RANBP3: variants seen among roughly 807,000 people sequenced by gnomAD.
The protein encoded by RANBP3 is RAN binding protein 3.
In RANBP3, 14 loss-of-function variants were observed where a neutral mutation model predicts 77.3. The ratio of observed to expected loss-of-function variants is 0.18; its 90% CI spans 0.12 to 0.28. RANBP3 has a LOEUF of 0.28. Among genes scored for constraint, RANBP3 ranks in the 10% least tolerant of loss-of-function variants. The probability of loss-of-function intolerance (pLI) is 1.00; values close to 1 mark genes in which losing one functional copy is unlikely to be tolerated. For missense variants in RANBP3, 586 were observed against 752.3 expected, an observed-to-expected ratio of 0.78 and a Z score of 2.59; for synonymous variants, 315 against 312.4, an observed-to-expected ratio of 1.01 and a Z score of -0.09.
intron 1 of RANBP3, among the ~76,000 whole-genome samples, chr19:5,973,162 C>T (rs888285943): frequency 7.9e-5 from 12 of 152,294 alleles, no homozygotes; most frequent in Non-Finnish European, 1.3e-4. Flanking sequence ...AATAAATTCA[C>T]GAGAAACTTT....
intron 9 of RANBP3, 148 bp downstream of exon 9, chr19:5,927,820 C>T (rs1314292655): frequency 8.8e-6 from 9 of 1,023,520 alleles, no homozygotes; most frequent in Non-Finnish European, 1.2e-5. Flanking sequence ...CAGCAGCAGA[C>T]TGTGCCGTGA....
intron 2 of RANBP3, among the ~76,000 whole-genome samples, chr19:5,956,997 G>C (rs1308133307): frequency 6.6e-6 from 1 of 151,420 alleles, no homozygotes; most frequent in Non-Finnish European, 1.5e-5. Context: ...GCATCAGTGG[G>C]ACTGCTGCAG....
At chr19:5,931,926 T>TG (rs1401289358) in intron 7 of RANBP3, among the ~76,000 whole-genome samples, 6 of 151,970 alleles carry the variant, frequency 3.9e-5, no homozygotes, top group Admixed American at 3.9e-4. Flanking sequence ...TCCCAGCTAC[T>TG]TGGGAGGCTG....
At position 5,924,903 on chromosome 19, in the gene RANBP3, A is replaced by G; in HGVS notation, c.920T>C (p.Leu307Ser). ...NYFLQYISSSLENSTNSADAS... is the reference protein window; with the variant it reads ...NYFLQYISSSSENSTNSADAS... ...GTCGGCACTATTGGTTGAGTTCTCTAAACTGAAGAGAAGATGTGCAATGAG... is the reference window on the plus strand; with the variant it reads ...GTCGGCACTATTGGTTGAGTTCTCTGAACTGAAGAGAAGATGTGCAATGAG... The change falls in exon 11 of 17, where the codon TTA becomes TCA. Residue 307 changes from leucine (L) to serine (S), a missense_variant and splice_region_variant. This residue lies in a region of RANBP3 where 232 missense variants were observed against 271.7 expected (regional missense o/e 0.85). Coordinates refer to ENST00000340578, the MANE Select transcript of RANBP3 (RefSeq NM_007322.3). This position sits in a 1 kb window ranked among gnomAD's most constrained non-coding sequence, Gnocchi z 4.7. 6.2e-7 allele frequency: 1 copy of G among 1,613,328 alleles called. No homozygotes were observed. The highest frequency in any genetic ancestry group is 8.5e-7 in the Non-Finnish European group (1 of 1,179,202).
At chr19:5,960,701 C>T (rs539012467) in intron 1 of RANBP3, among the ~76,000 whole-genome samples, 9 of 152,278 alleles carry the variant, frequency 5.9e-5, no homozygotes, top group East Asian at 1.9e-4. Flanking sequence ...GAGAGGAGTG[C>T]GCGCTGGTGT....
At chr19:5,931,558 T>G (rs1057307453) in intron 7 of RANBP3, 27 bp from the exon 8 acceptor site, 1 of 1,589,432 alleles carries the variant, frequency 6.3e-7, no homozygotes, top group Non-Finnish European at 8.6e-7. Flanking sequence ...GAGTGGGGAA[T>G]CACAGGTGCT....
chr19:5,923,295 C>A lies in RANBP3; in HGVS notation c.1108G>T (p.Ala370Ser), dbSNP rs1362978926. The change falls in exon 13 of 17, where the codon GCT (alanine) becomes TCT (serine). Residue 370 changes from alanine to serine, a missense_variant. Ala to Ser is a moderately conservative substitution (Grantham distance 99). Around this residue, in one of 5 missense-constraint regions of RANBP3, gnomAD observed 51 missense variants for 123.2 expected, o/e 0.41. Coordinates refer to ENST00000340578, the MANE Select transcript of RANBP3 (RefSeq NM_007322.3). The part of the protein sequence containing the change: ...QEATPEKESL[A>S]ESAAAYTKAT... ...TTGGTGTAGGCGGCTGCCGACTCAG[C>A]CAGGGACTCTGAAAAGTTATTGGCC... 4 of 1,614,014 alleles carry A rather than the reference C, an allele frequency of 2.5e-6. No homozygotes were observed. The African/African-American group carries it at 5.3e-5, about 22-fold the overall frequency.
chr19:5,942,691 A>G (rs2058153517), intron 3 of RANBP3, among the ~76,000 whole-genome samples: 1 of 126,606 alleles, frequency 7.9e-6, no homozygotes, highest in Non-Finnish European at 1.6e-5. Context: ...ACACAGCGAG[A>G]CTCTGTCTCA....
intron 1 of RANBP3, among the ~76,000 whole-genome samples, chr19:5,967,617 C>T (rs2058482943): frequency 6.6e-6 from 1 of 152,202 alleles, no homozygotes; most frequent in Admixed American, 6.5e-5. Context: ...CAGCCAAACC[C>T]TTCTAAGCTT....
At chr19:5,918,323 T>C in intron 15 of RANBP3, 173 bp downstream of exon 15, 3 of 752,572 alleles carry the variant, frequency 4.0e-6, no homozygotes, top group Non-Finnish European at 4.2e-6. Context: ...GACCATGATC[T>C]CTATTCCTGA....
rs761707865 is a variant in RANBP3 at position 5,931,362 on chromosome 19, G to A, written c.693+42C>T. The A allele has an allele frequency of 1.3e-6, 2 of 1,568,538 alleles. 1 individual carries two copies. Among genetic ancestry groups the A allele is most frequent in the South Asian group, 2.3e-5 (2 of 87,686 alleles). On this transcript the variant is annotated intron_variant, in intron 8 of 16. Coordinates refer to ENST00000340578, the MANE Select transcript of RANBP3 (RefSeq NM_007322.3). ...GGAAGGCTGCCCTCCCGCTCCCAAG[G>A]GGCCTAGCATGCAGCGCTTCCCTGC...
intron 3 of RANBP3, among the ~76,000 whole-genome samples, chr19:5,948,390 T>TGCTCACTGGAG (rs944451665): frequency 5.3e-5 from 8 of 151,740 alleles, no homozygotes; most frequent in African/African-American, 1.9e-4. Context: ...GAGGCGGAGC[T>TGCTCACTGGAG]TGCAGTGAGC....
intron 3 of RANBP3, 149 bp downstream of exon 3, chr19:5,951,244 G>A (rs1196533285): frequency 1.0e-5 from 8 of 798,448 alleles, no homozygotes; most frequent in East Asian, 2.7e-5. Flanking sequence ...GAATTAAAGC[G>A]AGCTGGAAGA....
intron 1 of RANBP3, among the ~76,000 whole-genome samples, chr19:5,969,555 G>A (rs577826071): frequency 4.6e-5 from 7 of 152,346 alleles, no homozygotes; most frequent in East Asian, 1.9e-4. Flanking sequence ...CATAAACAGC[G>A]ACAGCGAAAT....
At chr19:5,965,393 A>T (rs1029867684) in intron 1 of RANBP3, among the ~76,000 whole-genome samples, 3 of 152,202 alleles carry the variant, frequency 2.0e-5, no homozygotes, top group Non-Finnish European at 4.4e-5. Context: ...GCTTCCTGGT[A>T]GCACCTCTAC....
intron 3 of RANBP3, among the ~76,000 whole-genome samples, chr19:5,944,229 A>G (rs1293036382): frequency 6.6e-6 from 1 of 152,182 alleles, no homozygotes; most frequent in African/African-American, 2.4e-5. Flanking sequence ...CAAGGCAGGC[A>G]TGAATAGGGA....
At chr19:5,925,023 C>A (rs2057883558) in intron 10 of RANBP3, 118 bp from the exon 11 acceptor site, 1 of 904,438 alleles carries the variant, frequency 1.1e-6, no homozygotes, top group Non-Finnish European at 1.8e-6. Flanking sequence ...GCCTCCGCCA[C>A]TGTGCACGGG....
At chr19:5,966,345 C>T (rs1337965415) in intron 1 of RANBP3, among the ~76,000 whole-genome samples, 1 of 152,164 alleles carries the variant, frequency 6.6e-6, no homozygotes, top group Non-Finnish European at 1.5e-5. Flanking sequence ...ATGGCTGATC[C>T]CCGACAAGAC....
intron 3 of RANBP3, among the ~76,000 whole-genome samples, chr19:5,945,128 G>A (rs1037864146): frequency 6.6e-6 from 1 of 152,186 alleles, no homozygotes; most frequent in Non-Finnish European, 1.5e-5. Flanking sequence ...ACTTAGGAAG[G>A]AACTGGACCT....
Sources: allele counts gnomAD v4.1 joint callset (sites outside exome capture counted in the v4.1 genomes callset), GRCh38; gene constraint gnomAD v4.1.1; regional missense constraint gnomAD v4.1.1; non-coding constraint Gnocchi (gnomAD v3.1); transcripts MANE v1.5; gene names NCBI Gene and HGNC (gene_info 2026-07-23, HGNC 2026-07-21).